The following MAGI2 variants were observed in gnomAD, a reference collection of about 807,000 sequenced individuals.
The protein encoded by MAGI2 is membrane associated guanylate kinase, WW and PDZ domain containing 2.
A neutral mutation model predicts 133.3 loss-of-function variants in MAGI2; 35 were observed. The observed-to-expected ratio is 0.26, with a 90% CI of 0.20 to 0.35. MAGI2 has a LOEUF of 0.35. Ranked by LOEUF, MAGI2 falls within the 10% of genes least tolerant of loss-of-function variation. The pLI is 1.00. For missense variants in MAGI2, 1,636 were observed against 1,863.4 expected (o/e 0.88, Z 2.25); for synonymous variants, 729 against 710.6 (o/e 1.03, Z -0.41).
At chr7:78,708,347 C>G (rs560858891) in intron 2 of MAGI2, among the ~76,000 whole-genome samples, 5 of 152,280 alleles carry the variant, frequency 3.3e-5, no homozygotes, top group African/African-American at 1.2e-4. Flanking sequence ...GCTCACTTCA[C>G]TATAGGTTTA....
chr7:79,296,119 G>T (rs1245577691), intron 1 of MAGI2, among the ~76,000 whole-genome samples: 1 of 152,120 alleles, frequency 6.6e-6, no homozygotes, highest in Non-Finnish European at 1.5e-5. Flanking sequence ...CAAGAGCATT[G>T]ATATTGTGGC....
intron 3 of MAGI2, among the ~76,000 whole-genome samples, chr7:78,526,673 G>T (rs1447595236): frequency 1.3e-5 from 2 of 151,970 alleles, no homozygotes; most frequent in African/African-American, 4.8e-5. Flanking sequence ...ATAAAGGTGG[G>T]GCTATGAAAA....
rs183453428 is a variant in MAGI2 at position 78,888,720 on chromosome 7, C to T, written c.418+118370G>A. 2.6e-3 allele frequency among the ~76,000 whole-genome samples: 398 copies of T among 152,180 alleles called. 2 individuals carry two copies. Among genetic ancestry groups the T allele is most frequent in the African/African-American group, 9.0e-3 (375 of 41,528 alleles). ...ACAGATAGGACATCCACACCAAAAC[C>T]CCATCCATACATCACCATCATCAAA... On this transcript the variant is annotated intron_variant, in intron 2 of 21. Transcript: ENST00000354212.
At chr7:79,302,660 G>A (rs1316075312) in intron 1 of MAGI2, among the ~76,000 whole-genome samples, 2 of 152,172 alleles carry the variant, frequency 1.3e-5, no homozygotes, top group Non-Finnish European at 2.9e-5. Flanking sequence ...AAGCCATTAC[G>A]GATTAGTAAT....
intron 1 of MAGI2, among the ~76,000 whole-genome samples, chr7:79,100,866 A>G (rs1171070935): frequency 2.0e-5 from 3 of 151,982 alleles, no homozygotes; most frequent in African/African-American, 7.2e-5. Context: ...GGAGGTAAAA[A>G]TCTACCTTTA....
chr7:78,751,286 C>G (rs1823433240), intron 2 of MAGI2, among the ~76,000 whole-genome samples: 1 of 152,202 alleles, frequency 6.6e-6, no homozygotes, highest in Non-Finnish European at 1.5e-5. Context: ...AAAATAATTA[C>G]AGGCCAGATC....
intron 15 of MAGI2, among the ~76,000 whole-genome samples, chr7:78,164,107 T>C (rs778423683): frequency 6.6e-6 from 1 of 152,130 alleles, no homozygotes; most frequent in Non-Finnish European, 1.5e-5. Flanking sequence ...CCTCATTTAC[T>C]CATTTATTCA....
chr7:78,496,717 A>G (rs1794117038), intron 5 of MAGI2, among the ~76,000 whole-genome samples: 1 of 152,150 alleles, frequency 6.6e-6, no homozygotes, highest in Non-Finnish European at 1.5e-5. Flanking sequence ...TCGTCTATGA[A>G]ATGTGGATAA....
At chr7:78,819,195 A>G (rs1319636833) in intron 2 of MAGI2, among the ~76,000 whole-genome samples, 1 of 152,166 alleles carries the variant, frequency 6.6e-6, no homozygotes, top group African/African-American at 2.4e-5. Flanking sequence ...TTGTAGGATT[A>G]TATAAAATGA....
At chr7:78,055,876 C>T (rs1042115229) in intron 21 of MAGI2, among the ~76,000 whole-genome samples, 3 of 152,154 alleles carry the variant, frequency 2.0e-5, no homozygotes, top group African/African-American at 7.2e-5. Context: ...GGGGGGCAAT[C>T]CTCTGAAGTA....
intron 1 of MAGI2, among the ~76,000 whole-genome samples, chr7:79,268,071 C>T (rs1834614287): frequency 1.3e-5 from 2 of 152,138 alleles, no homozygotes. Context: ...CATTGTGCTC[C>T]TTCTGGAGAA....
intron 3 of MAGI2, among the ~76,000 whole-genome samples, chr7:78,576,671 T>C (rs1802300977): frequency 6.6e-6 from 1 of 152,214 alleles, no homozygotes; most frequent in Non-Finnish European, 1.5e-5. Context: ...CAATTTATTA[T>C]CATTAAATCA....
intron 1 of MAGI2, among the ~76,000 whole-genome samples, chr7:79,432,615 A>G (rs1847851433): frequency 6.6e-6 from 1 of 152,168 alleles, no homozygotes; most frequent in South Asian, 2.1e-4. Context: ...AACAAGTACA[A>G]GTTCTCTTGA....
intron 1 of MAGI2, among the ~76,000 whole-genome samples, chr7:79,452,294 C>T (rs527306060): frequency 9.2e-5 from 14 of 152,226 alleles, no homozygotes; most frequent in Admixed American, 2.0e-4. Context: ...ACCGCGCCTT[C>T]TTCCGGAGCC....
intron 1 of MAGI2, among the ~76,000 whole-genome samples, chr7:79,274,922 C>G (rs1835128654): frequency 6.6e-6 from 1 of 152,038 alleles, no homozygotes; most frequent in Admixed American, 6.6e-5. Flanking sequence ...TGAACCATGC[C>G]CATATGATAC....
chr7:78,965,236 A>G (rs1180779502), intron 2 of MAGI2, among the ~76,000 whole-genome samples: 1 of 151,722 alleles, frequency 6.6e-6, no homozygotes, highest in Non-Finnish European at 1.5e-5. Flanking sequence ...TCAATGTATG[A>G]TAAAGAATAA....
chr7:78,243,255 ACACACACACACACACTCTCTCT>A (rs1244196559), intron 10 of MAGI2, among the ~76,000 whole-genome samples: 7 of 42,334 alleles, frequency 1.7e-4, no homozygotes, highest in African/African-American at 3.9e-4. Flanking sequence ...ACACACACAC[ACACACACACACACACTCTCTCT>A]CTCTCTCTCT....
At chr7:78,228,194 C>G (rs527425340) in intron 10 of MAGI2, among the ~76,000 whole-genome samples, 3 of 152,214 alleles carry the variant, frequency 2.0e-5, no homozygotes, top group Admixed American at 6.5e-5. Flanking sequence ...CCATCCTTAG[C>G]TCAAGAGCCA....
At chr7:78,728,292 T>G (rs2151217668) in intron 2 of MAGI2, among the ~76,000 whole-genome samples, 1 of 152,294 alleles carries the variant, frequency 6.6e-6, no homozygotes, top group Non-Finnish European at 1.5e-5. Context: ...AACAGCCCAA[T>G]TTTAAGAATT....
Sources: gnomAD v4.1 joint callset for allele counts (sites outside exome capture counted in the v4.1 genomes callset) on GRCh38, gnomAD v4.1.1 for gene constraint, MANE v1.5 for transcripts, NCBI Gene and HGNC (gene_info 2026-07-23, HGNC 2026-07-21) for gene names.